The following GSK3B variants were observed in gnomAD, a reference collection of about 807,000 sequenced individuals.
GSK3B encodes the protein glycogen synthase kinase-3 beta.
In GSK3B, 15 loss-of-function variants were observed where a neutral mutation model predicts 56.4. That is an observed-to-expected ratio of 0.27 (90% CI 0.18 to 0.41). The LOEUF (loss-of-function observed/expected upper bound fraction) is 0.41. Among genes scored for constraint, GSK3B ranks in the 10% least tolerant of loss-of-function variants. The pLI is 1.00. For synonymous variants in GSK3B, 181 were observed against 188.9 expected (o/e 0.96, Z 0.34); for missense variants, 300 against 513.4 (o/e 0.58, Z 4.02).
intron 7 of GSK3B, 119 bp from the exon 8 acceptor site, chr3:119,876,627 T>A (rs1023046211): frequency 1.5e-6 from 1 of 645,852 alleles, no homozygotes; most frequent in East Asian, 2.7e-5. Flanking sequence ...AATACGTAAC[T>A]CATTAAATAG....
At chr3:119,938,811 A>G (rs879585110) in intron 3 of GSK3B, among the ~76,000 whole-genome samples, 8 of 152,230 alleles carry the variant, frequency 5.3e-5, no homozygotes, top group South Asian at 2.1e-4. Flanking sequence ...ACAAAAGTTA[A>G]TATCTGGGCT....
chr3:119,976,270 C>T (rs2057407788), intron 2 of GSK3B, among the ~76,000 whole-genome samples: 1 of 152,082 alleles, frequency 6.6e-6, no homozygotes, highest in Admixed American at 6.5e-5. Context: ...AAAAACTTGA[C>T]ACAAATATTC....
At chr3:119,954,023 T>A (rs745595928) in intron 2 of GSK3B, among the ~76,000 whole-genome samples, 1 of 151,952 alleles carries the variant, frequency 6.6e-6, no homozygotes, top group Non-Finnish European at 1.5e-5. Flanking sequence ...AGACACACAC[T>A]CACAAACCCT....
At chr3:120,084,953 T>C (rs1339917317) in intron 1 of GSK3B, among the ~76,000 whole-genome samples, 1 of 152,214 alleles carries the variant, frequency 6.6e-6, no homozygotes, top group Non-Finnish European at 1.5e-5. Context: ...TATGTATGTA[T>C]ACACAAAATG....
chr3:119,842,662 T>TG (rs781363574), intron 10 of GSK3B, among the ~76,000 whole-genome samples: 7 of 152,164 alleles, frequency 4.6e-5, no homozygotes, highest in Non-Finnish European at 1.0e-4. Flanking sequence ...CTCACTATGT[T>TG]GTCCAGGATG....
chr3:119,947,194 C>T (rs1311281086), intron 3 of GSK3B, 74 bp downstream of exon 3: 8 of 888,306 alleles, frequency 9.0e-6, no homozygotes, highest in Middle Eastern at 2.2e-4. Flanking sequence ...TGTCTATGAG[C>T]GGTGGGGAGA....
intron 2 of GSK3B, among the ~76,000 whole-genome samples, chr3:119,985,373 A>G (rs1024861482): frequency 6.6e-6 from 1 of 152,214 alleles, no homozygotes; most frequent in African/African-American, 2.4e-5. Flanking sequence ...AGGGCATTCA[A>G]TTAGGAAACA....
chr3:119,988,216 C>T (rs2057534138), intron 2 of GSK3B, among the ~76,000 whole-genome samples: 1 of 152,170 alleles, frequency 6.6e-6, no homozygotes. Context: ...ATGAACTAAA[C>T]TAACAGGAGA....
chr3:120,074,096 G>T (rs1167061738), intron 1 of GSK3B, among the ~76,000 whole-genome samples: 1 of 152,028 alleles, frequency 6.6e-6, no homozygotes, highest in African/African-American at 2.4e-5. Context: ...CTTGAGTCTA[G>T]GAGTTCAAGA....
chr3:120,035,018 A>G (rs1267827327), intron 1 of GSK3B, among the ~76,000 whole-genome samples: 4 of 152,092 alleles, frequency 2.6e-5, no homozygotes, highest in Non-Finnish European at 4.4e-5. Flanking sequence ...GCTTGAACCC[A>G]GGAGGCGGAG....
chr3:119,895,233 A>G (rs1392040835), intron 7 of GSK3B, among the ~76,000 whole-genome samples: 2 of 152,168 alleles, frequency 1.3e-5, no homozygotes, highest in Non-Finnish European at 2.9e-5. Flanking sequence ...AGGTTCACCC[A>G]TGTTGTCACA....
At chr3:119,901,979 A>G (rs1459388819) in intron 7 of GSK3B, among the ~76,000 whole-genome samples, 1 of 88,300 alleles carries the variant, frequency 1.1e-5, no homozygotes, top group Non-Finnish European at 2.2e-5. Context: ...GTTTTCTAGA[A>G]AGAAAATGAA....
intron 10 of GSK3B, among the ~76,000 whole-genome samples, chr3:119,829,308 G>A (rs555338667): frequency 1.3e-5 from 2 of 151,786 alleles, no homozygotes; most frequent in South Asian, 4.2e-4. Flanking sequence ...CATGCTTATT[G>A]CAGCATGTCA....
chr3:119,939,905 T>C (rs1049934311), intron 3 of GSK3B, among the ~76,000 whole-genome samples: 5 of 151,968 alleles, frequency 3.3e-5, no homozygotes, highest in African/African-American at 7.3e-5. Flanking sequence ...CAACTGAAGA[T>C]AAACATTAGA....
At chr3:119,873,346 A>G (rs2056271387) in intron 8 of GSK3B, among the ~76,000 whole-genome samples, 1 of 148,192 alleles carries the variant, frequency 6.7e-6, no homozygotes, top group African/African-American at 2.5e-5. Context: ...TTTTTTTTTT[A>G]GAACACCAGG....
intron 7 of GSK3B, among the ~76,000 whole-genome samples, chr3:119,903,238 C>T (rs2056643023): frequency 6.6e-6 from 1 of 152,114 alleles, no homozygotes; most frequent in African/African-American, 2.4e-5. Flanking sequence ...CGGTCAAGAA[C>T]ATAGAAGGCA....
chr3:119,989,863 T>C (rs1337861549), intron 2 of GSK3B, among the ~76,000 whole-genome samples: 5 of 151,902 alleles, frequency 3.3e-5, no homozygotes, highest in Non-Finnish European at 7.4e-5. Flanking sequence ...CCCAAAAACA[T>C]CTACAGATGT....
chr3:120,013,871 A>T, intron 1 of GSK3B, among the ~76,000 whole-genome samples: 1 of 151,154 alleles, frequency 6.6e-6, no homozygotes, highest in East Asian at 1.9e-4. Context: ...AAAAAAAACT[A>T]TTAAAACAAA....
intron 7 of GSK3B, among the ~76,000 whole-genome samples, chr3:119,896,127 CAAAAAAAAA>C: frequency 1.7e-5 from 1 of 59,044 alleles, no homozygotes; most frequent in Non-Finnish European, 3.5e-5. Flanking sequence ...GACTCTGTCT[CAAAAAAAAA>C]AAAAAAAAAG....
Sources: gnomAD v4.1 joint callset for allele counts (sites outside exome capture counted in the v4.1 genomes callset) on GRCh38, gnomAD v4.1.1 for gene constraint, MANE v1.5 for transcripts, NCBI Gene and HGNC (gene_info 2026-07-23, HGNC 2026-07-21) for gene names.